KCNT2: variants seen among roughly 807,000 people sequenced by gnomAD.
KCNT2 encodes the protein potassium sodium-activated channel subfamily T member 2.
KCNT2 carries 67 observed loss-of-function variants against 153.8 expected under a neutral mutation model. The ratio of observed to expected loss-of-function variants is 0.44; its 90% CI spans 0.36 to 0.53. KCNT2 has a LOEUF of 0.53. Among genes scored for constraint, KCNT2 ranks in the 20% least tolerant of loss-of-function variants. The probability of loss-of-function intolerance (pLI) is 0.00; values close to 1 mark genes in which losing one functional copy is unlikely to be tolerated. For missense variants in KCNT2, 975 were observed against 1,354.8 expected (o/e 0.72, Z 4.40); for synonymous variants, 500 against 458.8 (o/e 1.09, Z -1.15).
chr1:196,509,854 A>C (rs1398259475), intron 1 of KCNT2, among the ~76,000 whole-genome samples: 5 of 152,184 alleles, frequency 3.3e-5, no homozygotes, highest in African/African-American at 1.2e-4. Context: ...TCTGGAGATT[A>C]ATAGCAATTG....
At chr1:196,566,253 A>C (rs1296494824) in intron 1 of KCNT2, among the ~76,000 whole-genome samples, 2 of 151,928 alleles carry the variant, frequency 1.3e-5, no homozygotes, top group African/African-American at 4.8e-5. Context: ...CCTGGCAGGA[A>C]ATTTGCTTAT....
intron 1 of KCNT2, among the ~76,000 whole-genome samples, chr1:196,497,205 G>A (rs1680324596): frequency 6.6e-6 from 1 of 152,044 alleles, no homozygotes; most frequent in Admixed American, 6.5e-5. Flanking sequence ...AAATATTTGG[G>A]AAGAACAAAA....
In KCNT2 at chr1:196,228,194, G is replaced by A; in HGVS notation, c.*30C>T. ...TTTTGTGGTTTCAAGCAAGGTCTTTGTAGGAAAAAAGTTTCTCATTTTATT... is the reference window on the plus strand; with the variant it reads ...TTTTGTGGTTTCAAGCAAGGTCTTTATAGGAAAAAAGTTTCTCATTTTATT... On this transcript the variant is annotated 3_prime_UTR_variant, in exon 28 of 28. Transcript: ENST00000294725. The A allele has an allele frequency of 2.2e-6, 3 of 1,374,954 alleles. No homozygotes were observed. The highest frequency in any genetic ancestry group is 2.1e-6 in the Non-Finnish European group (2 of 968,084). 85.2% of individuals were successfully genotyped at this position (1,374,954 alleles called of 1,614,324 possible).
Position 196,428,135 on chromosome 1 carries a change from T to TA in KCNT2, c.953dup (p.Leu318PhefsTer3). Reference sequence around the variant, plus strand: ...GCCTAGGATGAGCATAGAATTCATTTAAAAAATCCATAAGTAAATCAATCT... The same window carrying TA: ...GCCTAGGATGAGCATAGAATTCATTTAAAAAAATCCATAAGTAAATCAATCT... On this transcript the variant is annotated frameshift_variant, in exon 10 of 28. Coordinates refer to ENST00000294725, the MANE Select transcript of KCNT2 (RefSeq NM_198503.5). LOFTEE classifies it high-confidence loss of function. 1 of 1,612,630 alleles carries TA rather than the reference T, an allele frequency of 6.2e-7. No homozygotes were observed. The highest frequency in any genetic ancestry group is 8.5e-7 in the Non-Finnish European group (1 of 1,179,136).
chr1:196,554,523 C>A (rs1374759394), intron 1 of KCNT2, among the ~76,000 whole-genome samples: 1 of 150,684 alleles, frequency 6.6e-6, no homozygotes, highest in East Asian at 2.0e-4. Flanking sequence ...CAAGAAAATC[C>A]TTTGACCCCA....
At chr1:196,235,838 A>C in intron 27 of KCNT2, 148 bp downstream of exon 27, 3 of 508,558 alleles carry the variant, frequency 5.9e-6, no homozygotes, top group Non-Finnish European at 1.0e-5. Flanking sequence ...AACACATGAA[A>C]TGCATTTGTT....
rs1370979681 is a variant in KCNT2 at position 196,258,174 on chromosome 1, G to C, written c.3211+20C>G. The C allele has an allele frequency of 1.2e-6, 2 of 1,610,384 alleles. No individual in the cohort carries two copies. The highest frequency in any genetic ancestry group is 2.7e-5 in the African/African-American group (2 of 74,678). ...AAGAAATCACGAGTCCATATATACA[G>C]TAGTTTTTAAAGAGCATACCATATC... On this transcript the variant is annotated intron_variant, in intron 26 of 27. Coordinates refer to ENST00000294725, the MANE Select transcript of KCNT2 (RefSeq NM_198503.5).
chr1:196,440,022 A>G (rs1287715137), intron 8 of KCNT2, among the ~76,000 whole-genome samples: 1 of 151,992 alleles, frequency 6.6e-6, no homozygotes, highest in Non-Finnish European at 1.5e-5. Context: ...AAACCTGCAC[A>G]TTCTGCACAT....
chr1:196,268,086 A>C (rs1344895490), intron 25 of KCNT2, among the ~76,000 whole-genome samples: 2 of 152,150 alleles, frequency 1.3e-5, no homozygotes, highest in African/African-American at 4.8e-5. Flanking sequence ...GTTAGCAGGG[A>C]ATCATTTGAG....
rs148932905 is a variant in KCNT2 at position 196,602,770 on chromosome 1, A to ATTTTT, written c.95+5440_95+5444dup. ...ATTACACTATATATATTCAAAGTCTATTTTTTTTTTTTTTTTTTTTTTTTT... is the reference window on the plus strand; with the variant it reads ...ATTACACTATATATATTCAAAGTCTATTTTTTTTTTTTTTTTTTTTTTTTTTTTTT... On this transcript the variant is annotated intron_variant, in intron 1 of 27. Transcript: ENST00000294725. 5.4e-4 allele frequency among the ~76,000 whole-genome samples: 46 copies of ATTTTT among 84,630 alleles called. 4 individuals are homozygous for ATTTTT. The highest frequency in any genetic ancestry group is 6.6e-4 in the Non-Finnish European group (33 of 50,086). 55.5% of individuals were successfully genotyped at this position (84,630 alleles called of 152,430 possible). A position where few individuals can be genotyped will look rare whatever the true frequency, so the allele number is the denominator to read the frequency against.
At chr1:196,496,384 C>T (rs542924518) in intron 1 of KCNT2, among the ~76,000 whole-genome samples, 3 of 151,070 alleles carry the variant, frequency 2.0e-5, no homozygotes, top group East Asian at 2.0e-4. Context: ...AGGAGAATGG[C>T]GTGAACCTGA....
chr1:196,456,630 G>T (rs528124929), intron 8 of KCNT2, among the ~76,000 whole-genome samples: 1 of 150,676 alleles, frequency 6.6e-6, no homozygotes, highest in Non-Finnish European at 1.5e-5. Context: ...GGGGAGTAAA[G>T]TAATAGATGC....
chr1:196,607,923 T>C (rs765368843), intron 1 of KCNT2, among the ~76,000 whole-genome samples: 14 of 152,192 alleles, frequency 9.2e-5, no homozygotes, highest in Non-Finnish European at 1.9e-4. Flanking sequence ...ATACCAGCCT[T>C]ATACACATCC....
intron 1 of KCNT2, among the ~76,000 whole-genome samples, chr1:196,583,250 G>A (rs1048138729): frequency 3.9e-5 from 6 of 152,118 alleles, no homozygotes; most frequent in African/African-American, 1.4e-4. Flanking sequence ...GATCTGTAGT[G>A]AACCAAGCTT....
chr1:196,355,832 T>C, intron 14 of KCNT2, among the ~76,000 whole-genome samples: 1 of 151,842 alleles, frequency 6.6e-6, no homozygotes, highest in East Asian at 1.9e-4. Flanking sequence ...GATTTTCAAC[T>C]GTTCTACTTC....
At chr1:196,382,321 A>T (rs1669580281) in intron 13 of KCNT2, among the ~76,000 whole-genome samples, 1 of 151,284 alleles carries the variant, frequency 6.6e-6, no homozygotes, top group Admixed American at 6.6e-5. Flanking sequence ...GTTAGCCAGG[A>T]TGGTCTCGAT....
At chr1:196,471,187 A>G (rs895113480) in intron 5 of KCNT2, among the ~76,000 whole-genome samples, 1 of 151,926 alleles carries the variant, frequency 6.6e-6, no homozygotes, top group Non-Finnish European at 1.5e-5. Context: ...GATTACAGGC[A>G]TGAGCCATTG....
At chr1:196,543,742 C>A (rs1273324987) in intron 1 of KCNT2, among the ~76,000 whole-genome samples, 1 of 152,048 alleles carries the variant, frequency 6.6e-6, no homozygotes, top group African/African-American at 2.4e-5. Flanking sequence ...ATAATGACAA[C>A]CCTATATGCT....
At chr1:196,463,059 C>A (rs976733448) in intron 8 of KCNT2, among the ~76,000 whole-genome samples, 14 of 151,564 alleles carry the variant, frequency 9.2e-5, no homozygotes, top group African/African-American at 3.4e-4. Context: ...AGACAGAAAC[C>A]ATGTTTTGAA....
Sources: gnomAD v4.1 joint callset for allele counts (sites outside exome capture counted in the v4.1 genomes callset) on GRCh38, gnomAD v4.1.1 for gene constraint, MANE v1.5 for transcripts, NCBI Gene and HGNC (gene_info 2026-07-23, HGNC 2026-07-21) for gene names.